ADK: variants seen among roughly 807,000 people sequenced by gnomAD.
The protein encoded by ADK is N6,N6-dimethyladenosine kinase.
ADK carries 24 observed loss-of-function variants against 44.7 expected under a neutral mutation model. The observed-to-expected ratio is 0.54, with a 90% CI of 0.39 to 0.76. ADK has a LOEUF of 0.76. Among genes scored for constraint, ADK ranks in the 30% least tolerant of loss-of-function variants. The pLI is 0.00. For missense variants in ADK, 321 were observed against 425.1 expected (o/e 0.76, Z 2.15); for synonymous variants, 128 against 142.6 (o/e 0.90, Z 0.73).
At chr10:74,478,148 A>G (rs971697595) in intron 6 of ADK, among the ~76,000 whole-genome samples, 3 of 152,190 alleles carry the variant, frequency 2.0e-5, no homozygotes, top group African/African-American at 7.2e-5. Flanking sequence ...GCTTCAACCA[A>G]TTCTACTGCC....
At chr10:74,385,532 T>G (rs1843112474) in intron 4 of ADK, among the ~76,000 whole-genome samples, 1 of 152,178 alleles carries the variant, frequency 6.6e-6, no homozygotes, top group Non-Finnish European at 1.5e-5. Context: ...AGAGAAGACT[T>G]CTTTATCCAT....
Position 74,621,560 on chromosome 10 carries a change from T to C in ADK, c.877+21067T>C, listed in dbSNP as rs1852994856. On this transcript the variant is annotated intron_variant, in intron 9 of 10. Transcript: ENST00000539909. Reference sequence around the variant, plus strand: ...ATGTTTTTTACCATTTAGGGTCTTTTCTGATTCCACAGAAATTTTAGAATA... The same window carrying C: ...ATGTTTTTTACCATTTAGGGTCTTTCCTGATTCCACAGAAATTTTAGAATA... Among the ~76,000 whole-genome samples the C allele has an allele frequency of 2.0e-5, 3 of 152,246 alleles. No homozygotes were observed. The South Asian group carries it at 6.2e-4, about 32-fold the overall frequency.
At chr10:74,630,232 T>C (rs543290104) in intron 9 of ADK, among the ~76,000 whole-genome samples, 1 of 151,566 alleles carries the variant, frequency 6.6e-6, no homozygotes, top group East Asian at 1.9e-4. Flanking sequence ...TTTTGTCAAA[T>C]AAATAAATAA....
chr10:74,606,358 G>C (rs1229376326), intron 9 of ADK, among the ~76,000 whole-genome samples: 1 of 152,108 alleles, frequency 6.6e-6, no homozygotes, highest in African/African-American at 2.4e-5. Flanking sequence ...GATCTTTCCC[G>C]CTTTCTCCTG....
At chr10:74,202,831 T>A (rs912907910) in intron 2 of ADK, among the ~76,000 whole-genome samples, 9 of 152,210 alleles carry the variant, frequency 5.9e-5, no homozygotes, top group African/African-American at 2.2e-4. Context: ...TTGTAAAAGT[T>A]CTTTTTATAT....
At chr10:74,315,544 T>A (rs914476906) in intron 4 of ADK, among the ~76,000 whole-genome samples, 3 of 152,210 alleles carry the variant, frequency 2.0e-5, no homozygotes, top group African/African-American at 7.2e-5. Context: ...TACATACCTC[T>A]GGTTCTTACC....
intron 4 of ADK, among the ~76,000 whole-genome samples, chr10:74,348,578 A>G (rs943291017): frequency 2.6e-5 from 4 of 151,966 alleles, no homozygotes; most frequent in African/African-American, 9.7e-5. Context: ...AACTGGACGG[A>G]GCAACCCCAA....
At chr10:74,642,946 C>G (rs2134103579) in intron 9 of ADK, among the ~76,000 whole-genome samples, 1 of 150,518 alleles carries the variant, frequency 6.6e-6, no homozygotes, top group African/African-American at 2.4e-5. Flanking sequence ...TTCAAAGGAT[C>G]CTCTTACCTC....
intron 3 of ADK, among the ~76,000 whole-genome samples, chr10:74,309,301 C>T (rs548135817): frequency 2.1e-4 from 32 of 151,884 alleles, no homozygotes; most frequent in Non-Finnish European, 4.0e-4. Flanking sequence ...ATTTAGTTTC[C>T]AACCACAAAG....
At chr10:74,660,829 C>T (rs914709309) in intron 9 of ADK, among the ~76,000 whole-genome samples, 1 of 150,838 alleles carries the variant, frequency 6.6e-6, no homozygotes, top group Non-Finnish European at 1.5e-5. Flanking sequence ...GTCAGGGGTT[C>T]GAGACCAGCC....
chr10:74,235,360 G>T (rs779401245), intron 3 of ADK, among the ~76,000 whole-genome samples: 2 of 151,994 alleles, frequency 1.3e-5, no homozygotes, highest in Admixed American at 6.6e-5. Flanking sequence ...CTTAAGAGGT[G>T]GTCTCACTCT....
intron 3 of ADK, among the ~76,000 whole-genome samples, chr10:74,274,742 A>ATATATATATATATATG (rs1271942093): frequency 6.3e-5 from 8 of 127,284 alleles, no homozygotes; most frequent in Non-Finnish European, 1.2e-4. Flanking sequence ...GTATATATAT[A>ATATATATATATATATG]TATATACACA....
Position 74,453,536 on chromosome 10 carries a change from G to A in ADK, c.555+54957G>A, listed in dbSNP as rs529485667. Among the ~76,000 whole-genome samples the A allele has an allele frequency of 2.6e-5, 4 of 152,120 alleles. No homozygotes were observed. In the East Asian group the frequency reaches 7.7e-4, roughly 29 times the overall value. ...CTGGGTAGGTTTTCACAAATTTAAG[G>A]CAATTAAAAGCTTTTATATGGCATT... On this transcript the variant is annotated intron_variant, in intron 6 of 10. Transcript: ENST00000539909.
intron 6 of ADK, among the ~76,000 whole-genome samples, chr10:74,501,991 G>A (rs1018019624): frequency 2.6e-5 from 4 of 152,056 alleles, no homozygotes; most frequent in Admixed American, 1.3e-4. Flanking sequence ...ATTTTTTAAA[G>A]AAATCAGTTG....
At chr10:74,626,954 C>G (rs1853226680) in intron 9 of ADK, among the ~76,000 whole-genome samples, 1 of 152,072 alleles carries the variant, frequency 6.6e-6, no homozygotes, top group Admixed American at 6.5e-5. Flanking sequence ...CCTTGGTTTT[C>G]TGTTTCTTGT....
intron 4 of ADK, among the ~76,000 whole-genome samples, chr10:74,315,295 A>G (rs1047504496): frequency 1.3e-5 from 2 of 152,150 alleles, no homozygotes; most frequent in African/African-American, 4.8e-5. Context: ...TCATATATTC[A>G]TACCTAAATA....
intron 6 of ADK, among the ~76,000 whole-genome samples, chr10:74,478,343 C>T (rs556944258): frequency 6.6e-6 from 1 of 152,320 alleles, no homozygotes; most frequent in South Asian, 2.1e-4. Flanking sequence ...CCTCAGCCTC[C>T]TGAGTGTCAG....
At chr10:74,584,458 T>C (rs982317697) in intron 7 of ADK, among the ~76,000 whole-genome samples, 8 of 152,062 alleles carry the variant, frequency 5.3e-5, no homozygotes, top group African/African-American at 1.9e-4. Flanking sequence ...CTGTACTCTT[T>C]CCATTGGCTA....
chr10:74,537,946 A>T (rs1454754373), intron 7 of ADK, among the ~76,000 whole-genome samples: 1 of 152,188 alleles, frequency 6.6e-6, no homozygotes, highest in Non-Finnish European at 1.5e-5. Context: ...TGAATTTCAC[A>T]AATGACTTCA....
Sources: allele counts gnomAD v4.1 joint callset (sites outside exome capture counted in the v4.1 genomes callset), GRCh38; gene constraint gnomAD v4.1.1; transcripts MANE v1.5; gene names NCBI Gene and HGNC (gene_info 2026-07-23, HGNC 2026-07-21).